Variants in GATD1 observed in about 807,000 individuals in gnomAD.
The protein encoded by GATD1 is glutamine amidotransferase-like class 1 domain-containing protein 1.
In GATD1, 23 loss-of-function variants were observed where a neutral mutation model predicts 25.9. That is an observed-to-expected ratio of 0.89 (90% CI 0.64 to 1.26). The LOEUF (loss-of-function observed/expected upper bound fraction) is 1.26. Among genes scored for constraint, GATD1 ranks in the 50% most tolerant of loss-of-function variants. GATD1 has a pLI of 0.00. For missense variants in GATD1, 347 were observed against 312.5 expected, an observed-to-expected ratio of 1.11 and a Z score of -0.83; for synonymous variants, 177 against 134.6, an observed-to-expected ratio of 1.31 and a Z score of -2.18.
rs180937396 is a variant in GATD1 at position 771,990 on chromosome 11, G to A, written c.450+437C>T. Among the ~76,000 whole-genome samples the A allele has an allele frequency of 3.4e-4, 52 of 152,238 alleles. No individual in the cohort carries two copies. The East Asian group carries it at 8.1e-3, about 24-fold the overall frequency. On this transcript the variant is annotated intron_variant, in intron 5 of 7. Coordinates refer to ENST00000319863, the MANE Select transcript of GATD1 (RefSeq NM_182612.4). ...CTGTGGATCAGCCACTCCCACAGCC[G>A]CCCCCAGTGTCCACAGAGCCCACTT...
intron 2 of GATD1, 84 bp from the exon 3 acceptor site, chr11:774,197 G>A: frequency 8.5e-7 from 1 of 1,171,782 alleles, no homozygotes; most frequent in Non-Finnish European, 1.2e-6. Context: ...AGCTGACAAG[G>A]GACCCAACAG....
chr11:770,829 G>A lies in GATD1; in HGVS notation c.*68C>T. 1.3e-6 allele frequency: 2 copies of A among 1,555,260 alleles called. No individual in the cohort carries two copies. The highest frequency in any genetic ancestry group is 1.7e-6 in the Non-Finnish European group (2 of 1,147,800). ...TCAGGAGGGAAGAGGCGGGGTCCCTGAAGCCTGAGACGGGGCTGCCTCTGG... is the reference window on the plus strand; with the variant it reads ...TCAGGAGGGAAGAGGCGGGGTCCCTAAAGCCTGAGACGGGGCTGCCTCTGG... On this transcript the variant is annotated 3_prime_UTR_variant, in exon 8 of 8. Transcript: ENST00000319863.
chr11:768,757 A>C lies in GATD1; in HGVS notation c.*2140T>G, dbSNP rs1276253994. Reference sequence around the variant, plus strand: ...TGAGGAAGATGGATCACCTGAGGTCAGGAGTTCAAGACCAGCCTGGCCAAC... The same window carrying C: ...TGAGGAAGATGGATCACCTGAGGTCCGGAGTTCAAGACCAGCCTGGCCAAC... On this transcript the variant is annotated 3_prime_UTR_variant, in exon 8 of 8. Transcript: ENST00000319863. The C allele has an allele frequency of 1.3e-5, 2 of 152,240 alleles. No homozygotes were observed. Among genetic ancestry groups the C allele is most frequent in the Non-Finnish European group, 2.9e-5 (2 of 68,046 alleles). 9.4% of individuals were successfully genotyped at this position (152,240 alleles called of 1,614,324 possible). A position where few individuals can be genotyped will look rare whatever the true frequency, so the allele number is the denominator to read the frequency against.
Position 769,397 on chromosome 11 carries a change from T to G in GATD1, c.*1500A>C. 1.6e-6 allele frequency: 1 copy of G among 641,308 alleles called. No homozygotes were observed. The allele number at this position is 641,308 out of a possible 1,614,324, so 39.7% of individuals were successfully genotyped here. A position where few individuals can be genotyped will look rare whatever the true frequency, so the allele number is the denominator to read the frequency against. On this transcript the variant is annotated 3_prime_UTR_variant, in exon 8 of 8. Transcript: ENST00000319863. ...GTGCAATGGCGCAATCTTGGCTCAC[T>G]GCAACTTCCGCCTCCCAGGTTCAAG...
In GATD1 at chr11:770,778, G is replaced by T; in HGVS notation, c.*119C>A. On this transcript the variant is annotated 3_prime_UTR_variant, in exon 8 of 8. Transcript: ENST00000319863. ...GCCTCCAACAATCCCATCAGGGCCAGACCAGGCTGCCATCCAGGGCCCTTG... is the reference window on the plus strand; with the variant it reads ...GCCTCCAACAATCCCATCAGGGCCATACCAGGCTGCCATCCAGGGCCCTTG... 1 of 1,527,544 alleles carries T rather than the reference G, an allele frequency of 6.5e-7. No individual in the cohort carries two copies. Among genetic ancestry groups the T allele is most frequent in the Non-Finnish European group, 8.8e-7 (1 of 1,139,658 alleles). The allele number at this position is 1,527,544 out of a possible 1,614,324, so 94.6% of individuals were successfully genotyped here.
rs1308668115 is a variant in GATD1 at position 773,990 on chromosome 11, A to G, written c.247+18T>C. On this transcript the variant is annotated intron_variant, in intron 3 of 7. Coordinates refer to ENST00000319863, the MANE Select transcript of GATD1 (RefSeq NM_182612.4). The stretch of plus-strand genomic sequence containing the variant: ...GGTCCCAGGCACCCCACCCCCAAGG[A>G]GTGGGTCCCGGGCCTACCATCGATG... 6.2e-7 allele frequency: 1 copy of G among 1,608,496 alleles called. No individual in the cohort carries two copies. Among genetic ancestry groups the G allele is most frequent in the Non-Finnish European group, 8.5e-7 (1 of 1,175,860 alleles).
In GATD1 at chr11:770,132, G is replaced by A. The variant is rs1863304294; in HGVS notation, c.*765C>T. On this transcript the variant is annotated 3_prime_UTR_variant, in exon 8 of 8. Coordinates refer to ENST00000319863, the MANE Select transcript of GATD1 (RefSeq NM_182612.4). ...GGGGGCAGCCCGCTGGAGGGCCACAGCCCAGGCCAGGTGCCCAGCAGGCTG... is the reference window on the plus strand; with the variant it reads ...GGGGGCAGCCCGCTGGAGGGCCACAACCCAGGCCAGGTGCCCAGCAGGCTG... 8.0e-7 allele frequency: 1 copy of A among 1,243,516 alleles called. No individual in the cohort carries two copies. Among genetic ancestry groups the A allele is most frequent in the African/African-American group, 1.5e-5 (1 of 64,828 alleles). The allele number at this position is 1,243,516 out of a possible 1,614,324, so 77.0% of individuals were successfully genotyped here.
chr11:771,716 A>C (rs3934992), intron 5 of GATD1, among the ~76,000 whole-genome samples: 59,639 of 151,988 alleles, frequency 0.39, 12,805 homozygotes, highest in Admixed American at 0.51. Context: ...TGGTGGGGTG[A>C]GCCCCTTGGG....
intron 2 of GATD1, 46 bp downstream of exon 2, chr11:775,020 G>A (rs1465930665): frequency 6.5e-7 from 1 of 1,543,006 alleles, no homozygotes; most frequent in African/African-American, 1.4e-5. Context: ...CGGAGAGGTG[G>A]AGACAGACCC....
intron 2 of GATD1, 34 bp from the exon 3 acceptor site, chr11:774,147 C>G: frequency 6.3e-7 from 1 of 1,576,952 alleles, no homozygotes; most frequent in Non-Finnish European, 8.7e-7. Flanking sequence ...CGAGGGTCAG[C>G]ACCAGGGATA....
chr11:771,540 G>A, intron 5 of GATD1, 114 bp from the exon 6 acceptor site: 2 of 1,428,458 alleles, frequency 1.4e-6, no homozygotes, highest in Non-Finnish European at 1.8e-6. Context: ...GGGACCGGGG[G>A]TGTCACTGCT....
chr11:770,232 C>T lies in GATD1; in HGVS notation c.*665G>A, dbSNP rs932050486. 2 of 1,385,612 alleles carry T rather than the reference C, an allele frequency of 1.4e-6. No homozygotes were observed. Among genetic ancestry groups the T allele is most frequent in the African/African-American group, 1.5e-5 (1 of 68,924 alleles). The allele number at this position is 1,385,612 out of a possible 1,614,324, so 85.8% of individuals were successfully genotyped here. A position where few individuals can be genotyped will look rare whatever the true frequency, so the allele number is the denominator to read the frequency against. On this transcript the variant is annotated 3_prime_UTR_variant, in exon 8 of 8. Transcript: ENST00000319863. ...GCCGTGGGGGACAGCACTTTCCTAT[C>T]ATTGAGAATCTCATGGTCTCATATT...
chr11:772,411 G>C lies in GATD1; in HGVS notation c.450+16C>G, dbSNP rs765582465. On this transcript the variant is annotated intron_variant, in intron 5 of 7. Transcript: ENST00000319863. ...AGAGCAGGGAGCACAGCGTGCCTCG[G>C]CCTCCAGACACTCACCCCTGTCAGG... 4.4e-6 allele frequency: 7 copies of C among 1,608,222 alleles called. No individual in the cohort carries two copies. Among genetic ancestry groups the C allele is most frequent in the Non-Finnish European group, 5.1e-6 (6 of 1,176,300 alleles).
chr11:775,198 G>A (rs796339708), intron 1 of GATD1, 56 bp from the exon 2 acceptor site: 22 of 1,468,960 alleles, frequency 1.5e-5, no homozygotes, highest in Middle Eastern at 3.6e-4. Flanking sequence ...CCCGCCTCAG[G>A]GGGCTACCCA....
Position 767,301 on chromosome 11 carries a change from C to T in GATD1, c.*3596G>A, listed in dbSNP as rs1471665429. 1 of 1,536,214 alleles carries T rather than the reference C, an allele frequency of 6.5e-7. No homozygotes were observed. The highest frequency in any genetic ancestry group is 1.2e-5 in the South Asian group (1 of 84,068). On this transcript the variant is annotated 3_prime_UTR_variant, in exon 8 of 8. Coordinates refer to ENST00000319863, the MANE Select transcript of GATD1 (RefSeq NM_182612.4). ...ATATGGGGAAATCCTCACCCGCCCT[C>T]CGCTGCTCTTCTGGAGGTCTGTCCT...
At chr11:773,652 G>A in intron 3 of GATD1, 23 bp from the exon 4 acceptor site, 1 of 1,560,882 alleles carries the variant, frequency 6.4e-7, no homozygotes, top group Admixed American at 1.8e-5. Flanking sequence ...CACAAACCAG[G>A]TAGCAGCCAC....
chr11:774,793 G>A (rs898600474), intron 2 of GATD1, among the ~76,000 whole-genome samples: 3 of 152,062 alleles, frequency 2.0e-5, no homozygotes, highest in African/African-American at 7.2e-5. Context: ...TCGCACCACC[G>A]CACTCCAGCC....
In GATD1 at chr11:767,738, G is replaced by C; in HGVS notation, c.*3159C>G. The stretch of plus-strand genomic sequence containing the variant: ...GGGCAGGGGCACAGCCTCATCATGG[G>C]ACCATCACCCTCACAAAAGAGGTTG... On this transcript the variant is annotated 3_prime_UTR_variant, in exon 8 of 8. Transcript: ENST00000319863. The C allele has an allele frequency of 3.5e-6, 2 of 576,020 alleles. No homozygotes were observed. The highest frequency in any genetic ancestry group is 4.6e-6 in the Non-Finnish European group (2 of 432,486). The allele number at this position is 576,020 out of a possible 1,614,324, so 35.7% of individuals were successfully genotyped here. A position where few individuals can be genotyped will look rare whatever the true frequency, so the allele number is the denominator to read the frequency against.
chr11:770,041 T>A lies in GATD1; in HGVS notation c.*856A>T. The stretch of plus-strand genomic sequence containing the variant: ...GGGCAGGAAGAAGGCCTTCGATGGC[T>A]CAAACTGGGGAACTGTGAGGAAGTA... On this transcript the variant is annotated 3_prime_UTR_variant, in exon 8 of 8. Transcript: ENST00000319863. 1 of 1,135,108 alleles carries A rather than the reference T, an allele frequency of 8.8e-7. No individual in the cohort carries two copies. The highest frequency in any genetic ancestry group is 1.1e-6 in the Non-Finnish European group (1 of 926,904). 70.3% of individuals were successfully genotyped at this position (1,135,108 alleles called of 1,614,324 possible). A position where few individuals can be genotyped will look rare whatever the true frequency, so the allele number is the denominator to read the frequency against.
Sources: gnomAD v4.1 joint callset for allele counts (sites outside exome capture counted in the v4.1 genomes callset) on GRCh38, gnomAD v4.1.1 for gene constraint, MANE v1.5 for transcripts, NCBI Gene and HGNC (gene_info 2026-07-23, HGNC 2026-07-21) for gene names.